DAB1: variants seen among roughly 807,000 people sequenced by gnomAD.
DAB1 encodes the protein disabled homolog 1.
DAB1 carries 15 observed loss-of-function variants against 64.6 expected under a neutral mutation model. The ratio of observed to expected loss-of-function variants is 0.23; its 90% CI spans 0.16 to 0.36. The LOEUF (loss-of-function observed/expected upper bound fraction) is 0.36. Ranked by LOEUF, DAB1 falls within the 10% of genes least tolerant of loss-of-function variation. The pLI, the probability that DAB1 is intolerant of heterozygous loss-of-function variation, is 1.00. For synonymous variants in DAB1, 235 were observed against 251.9 expected (o/e 0.93, Z 0.64); for missense variants, 596 against 706.7 (o/e 0.84, Z 1.78).
chr1:58,518,259 GGGAGAGGAGAGA>G (rs1405216113), intron 2 of DAB1, among the ~76,000 whole-genome samples: 1 of 24,652 alleles, frequency 4.1e-5, no homozygotes, highest in Non-Finnish European at 8.3e-5. Context: ...GAGGGGAGAG[GGGAGAGGAGAGA>G]GGAGAGGAGA....
intron 6 of DAB1, among the ~76,000 whole-genome samples, chr1:57,674,943 T>C (rs1646548813): frequency 6.6e-6 from 1 of 152,218 alleles, no homozygotes; most frequent in Non-Finnish European, 1.5e-5. Flanking sequence ...TTGCAGTTGG[T>C]TTGAAGCCCT....
intron 1 of DAB1, among the ~76,000 whole-genome samples, chr1:57,316,388 C>T (rs1001448819): frequency 1.3e-5 from 2 of 152,118 alleles, no homozygotes; most frequent in Non-Finnish European, 2.9e-5. Flanking sequence ...CTACACTTGA[C>T]AGTCAGGAGC....
intron 1 of DAB1, among the ~76,000 whole-genome samples, chr1:57,377,266 T>C (rs1680975391): frequency 1.6e-5 from 2 of 122,796 alleles, no homozygotes; most frequent in Non-Finnish European, 3.6e-5. Context: ...TGAGACTCCA[T>C]CTTAAAAAAA....
At chr1:58,149,153 A>C (rs1654780334) in intron 5 of DAB1, among the ~76,000 whole-genome samples, 1 of 152,054 alleles carries the variant, frequency 6.6e-6, no homozygotes, top group African/African-American at 2.4e-5. Flanking sequence ...TTTCTTGTCT[A>C]CTTATTAATT....
chr1:57,535,002 A>T (rs577335400), intron 7 of DAB1, among the ~76,000 whole-genome samples: 1 of 152,224 alleles, frequency 6.6e-6, no homozygotes, highest in East Asian at 1.9e-4. Flanking sequence ...CTCTGCCTGA[A>T]ATGCTCATCC....
intron 5 of DAB1, among the ~76,000 whole-genome samples, chr1:58,010,282 G>A (rs1354695911): frequency 1.3e-5 from 2 of 152,174 alleles, no homozygotes; most frequent in Non-Finnish European, 2.9e-5. Flanking sequence ...GAAAGCAGCT[G>A]CATTCTTTTA....
rs1569726099 is a variant in DAB1, at chr1:58,396,785, G to A, written n.258-53382C>T. Among the ~76,000 whole-genome samples, 5 of 152,266 alleles carry A rather than the reference G, an allele frequency of 3.3e-5. No individual in the cohort carries two copies. The South Asian group carries it at 8.3e-4, about 25-fold the overall frequency. ...ACATAAAGAAACAGAGAGGGAGTCC[G>A]GGCGCGGTGGCTCACGCCTGTAATC... On this transcript the variant is annotated intron_variant and non_coding_transcript_variant, in intron 3 of 20. Transcript: ENST00000485760.
chr1:57,601,021 T>A (rs924868847), intron 7 of DAB1, among the ~76,000 whole-genome samples: 3 of 152,182 alleles, frequency 2.0e-5, no homozygotes, highest in Admixed American at 1.3e-4. Context: ...AGTTTTTTTT[T>A]AAATGATGCC....
At chr1:58,094,451 CATG>C (rs1464221729) in intron 5 of DAB1, among the ~76,000 whole-genome samples, 1 of 152,188 alleles carries the variant, frequency 6.6e-6, no homozygotes, top group Non-Finnish European at 1.5e-5. Flanking sequence ...AGCAGAACAA[CATG>C]ATGATGAAGA....
At chr1:57,492,905 C>G (rs1483778389) in intron 7 of DAB1, among the ~76,000 whole-genome samples, 1 of 152,072 alleles carries the variant, frequency 6.6e-6, no homozygotes, top group East Asian at 1.9e-4. Flanking sequence ...TGGAGAAATT[C>G]AAATTTTTTT....
rs183725547 is a variant in DAB1, at chr1:58,425,723, A to C, written n.257+80337T>G. Reference sequence around the variant, plus strand: ...GTTTTAAAAAGTGAAAGAAGAATCAACAGAGTATCATCATTGAAATAAAGG... The same window carrying C: ...GTTTTAAAAAGTGAAAGAAGAATCACCAGAGTATCATCATTGAAATAAAGG... On this transcript the variant is annotated intron_variant and non_coding_transcript_variant, in intron 3 of 20. Transcript: ENST00000485760. Among the ~76,000 whole-genome samples, 19 of 152,246 alleles carry C rather than the reference A, an allele frequency of 1.2e-4. No homozygotes were observed. In the East Asian group the frequency reaches 3.7e-3, roughly 29 times the overall value.
At position 58,148,784 on chromosome 1, in the gene DAB1, C is replaced by A. The variant is rs533374060; in HGVS notation, n.387+1727G>T. On this transcript the variant is annotated intron_variant and non_coding_transcript_variant, in intron 5 of 20. Coordinates refer to the DAB1 transcript ENST00000485760. ...GCAGCACAGAAATCACACCCCCCCC[C>A]CAACCTCATGATTCAATTACTTCCC... is the stretch of plus-strand genomic sequence containing the variant. Among the ~76,000 whole-genome samples, 25 of 152,130 alleles carry A rather than the reference C, an allele frequency of 1.6e-4. 1 individual carries two copies. The South Asian group carries it at 1.7e-3, about 10-fold the overall frequency.
intron 1 of DAB1, among the ~76,000 whole-genome samples, chr1:57,400,905 C>T (rs189007859): frequency 2.0e-5 from 3 of 151,732 alleles, no homozygotes; most frequent in Non-Finnish European, 4.4e-5. Flanking sequence ...GAGATGTATT[C>T]ACATCGTCTT....
intron 5 of DAB1, among the ~76,000 whole-genome samples, chr1:58,095,249 C>G (rs1402678247): frequency 6.6e-6 from 1 of 152,146 alleles, no homozygotes; most frequent in East Asian, 1.9e-4. Flanking sequence ...TACTTAGTCT[C>G]TATAGTGGAA....
chr1:57,651,689 G>A (rs1478262416), intron 6 of DAB1, among the ~76,000 whole-genome samples: 1 of 152,056 alleles, frequency 6.6e-6, no homozygotes, highest in African/African-American at 2.4e-5. Flanking sequence ...CAGAAAGCCT[G>A]GAATTCAAAA....
chr1:57,529,746 C>T (rs963023793), intron 7 of DAB1, among the ~76,000 whole-genome samples: 1 of 152,036 alleles, frequency 6.6e-6, no homozygotes, highest in Non-Finnish European at 1.5e-5. Context: ...AGATATTGCT[C>T]CCTTGCAAAA....
At chr1:57,078,535 A>G (rs1286142130) in intron 4 of DAB1, among the ~76,000 whole-genome samples, 6 of 152,210 alleles carry the variant, frequency 3.9e-5, no homozygotes, top group Admixed American at 1.3e-4. Flanking sequence ...ATAATACCCA[A>G]TATTGACCAA....
chr1:57,056,700 CT>C (rs1371911786), intron 9 of DAB1, among the ~76,000 whole-genome samples: 2 of 149,922 alleles, frequency 1.3e-5, no homozygotes, highest in Non-Finnish European at 3.0e-5. Context: ...CCCATCTCTA[CT>C]AAAAATACTA....
intron 3 of DAB1, among the ~76,000 whole-genome samples, chr1:58,487,336 G>A (rs1004353475): frequency 3.3e-5 from 5 of 152,218 alleles, no homozygotes; most frequent in African/African-American, 1.2e-4. Context: ...TGCTGCTCAT[G>A]CATTTGAGGA....
Sources: gnomAD v4.1 joint callset for allele counts (sites outside exome capture counted in the v4.1 genomes callset) on GRCh38, gnomAD v4.1.1 for gene constraint, MANE v1.5 for transcripts, NCBI Gene and HGNC (gene_info 2026-07-23, HGNC 2026-07-21) for gene names.